Variants in MICAL3 observed in about 807,000 individuals in gnomAD.
MICAL3 encodes the protein [F-actin]-monooxygenase MICAL3.
In MICAL3, 62 loss-of-function variants were observed where a neutral mutation model predicts 207.4. The ratio of observed to expected loss-of-function variants is 0.30; its 90% CI spans 0.24 to 0.37. The LOEUF (loss-of-function observed/expected upper bound fraction) is 0.37. Among genes scored for constraint, MICAL3 ranks in the 10% least tolerant of loss-of-function variants. The pLI is 1.00. For missense variants in MICAL3, 2,368 were observed against 2,635.6 expected, an observed-to-expected ratio of 0.90 and a Z score of 2.22; for synonymous variants, 1,077 against 1,069.3, an observed-to-expected ratio of 1.01 and a Z score of -0.14.
At chr22:17,964,837 A>G (rs1426646567) in intron 1 of MICAL3, among the ~76,000 whole-genome samples, 1 of 152,252 alleles carries the variant, frequency 6.6e-6, no homozygotes, top group African/African-American at 2.4e-5. Flanking sequence ...CGAATTGCTC[A>G]GCTGGGACAC....
chr22:17,913,407 C>T (rs1451810255), intron 1 of MICAL3, among the ~76,000 whole-genome samples: 1 of 152,154 alleles, frequency 6.6e-6, no homozygotes, highest in East Asian at 1.9e-4. Flanking sequence ...GCCTGGCCTG[C>T]GTGGCTGCGG....
chr22:18,018,369 T>C (rs1053581570), intron 1 of MICAL3, among the ~76,000 whole-genome samples: 1 of 152,238 alleles, frequency 6.6e-6, no homozygotes, highest in African/African-American at 2.4e-5. Flanking sequence ...TAAAAGTTTC[T>C]TGACCATGAT....
intron 20 of MICAL3, among the ~76,000 whole-genome samples, chr22:17,835,083 C>A (rs549314731): frequency 1.1e-4 from 16 of 152,334 alleles, no homozygotes; most frequent in African/African-American, 3.8e-4. Flanking sequence ...GCTGCACAGG[C>A]ACAATGTGGG....
At chr22:17,976,249 C>T (rs996535653) in intron 1 of MICAL3, among the ~76,000 whole-genome samples, 3 of 152,124 alleles carry the variant, frequency 2.0e-5, no homozygotes, top group Non-Finnish European at 2.9e-5. Flanking sequence ...CCACATAACC[C>T]AAATTCATTT....
At chr22:17,873,177 G>A (rs114170616) in intron 16 of MICAL3, among the ~76,000 whole-genome samples, 2,604 of 152,350 alleles carry the variant, frequency 0.017, 20 homozygotes, top group African/African-American at 0.033. Flanking sequence ...GGGCGAACGC[G>A]CACAGAGACA....
At chr22:17,848,844 C>T (rs1353015700) in intron 19 of MICAL3, among the ~76,000 whole-genome samples, 1 of 152,256 alleles carries the variant, frequency 6.6e-6, no homozygotes, top group East Asian at 1.9e-4. Flanking sequence ...GGGCTTTTCT[C>T]CTCTGCTGCC....
At chr22:17,910,561 C>A (rs1056640748) in intron 1 of MICAL3, among the ~76,000 whole-genome samples, 1 of 152,168 alleles carries the variant, frequency 6.6e-6, no homozygotes, top group Non-Finnish European at 1.5e-5. Flanking sequence ...AATGGATGAA[C>A]AGAGGCAGGA....
At chr22:17,968,105 AGTAG>A (rs550271697) in intron 1 of MICAL3, among the ~76,000 whole-genome samples, 153 of 152,190 alleles carry the variant, frequency 1.0e-3, no homozygotes, top group Admixed American at 2.3e-3. Context: ...TGCTTGTAAA[AGTAG>A]GTAAATAGAT....
At position 17,808,828 on chromosome 22, in the gene MICAL3, G is replaced by A; in HGVS notation, c.5650+16C>T. The stretch of plus-strand genomic sequence containing the variant: ...CTTCCTCCAGGAGCAGAGCTTAGGA[G>A]GGAGCCCGGCAGTACCTGCTTCGCC... On this transcript the variant is annotated intron_variant, in intron 29 of 31. Transcript: ENST00000441493. 1.3e-6 allele frequency: 2 copies of A among 1,550,142 alleles called. No individual in the cohort carries two copies. The highest frequency in any genetic ancestry group is 1.7e-6 in the Non-Finnish European group (2 of 1,146,002).
At chr22:17,979,315 C>T (rs1051213346) in intron 1 of MICAL3, among the ~76,000 whole-genome samples, 2 of 152,088 alleles carry the variant, frequency 1.3e-5, no homozygotes, top group Admixed American at 6.5e-5. Context: ...GAGGCCGAGG[C>T]GAGCGGATCA....
intron 11 of MICAL3, among the ~76,000 whole-genome samples, chr22:17,893,011 T>C (rs767102894): frequency 8.5e-5 from 13 of 152,206 alleles, no homozygotes; most frequent in Admixed American, 4.6e-4. Flanking sequence ...ATGATCACAA[T>C]GTGAGGTAGA....
chr22:17,894,140 G>A (rs1294576295), intron 10 of MICAL3, among the ~76,000 whole-genome samples: 6 of 152,096 alleles, frequency 3.9e-5, no homozygotes, highest in Non-Finnish European at 8.8e-5. Context: ...GGCCGGGTGC[G>A]GTGGCTCACA....
At chr22:17,834,347 A>C in intron 20 of MICAL3, 1 of 1,219,982 alleles carries the variant, frequency 8.2e-7, no homozygotes, top group Admixed American at 3.2e-5. Context: ...TACCTGGATA[A>C]AATTTATTCA....
At chr22:17,825,282 A>T (rs997607729) in intron 22 of MICAL3, among the ~76,000 whole-genome samples, 5 of 152,228 alleles carry the variant, frequency 3.3e-5, no homozygotes, top group African/African-American at 1.2e-4. Flanking sequence ...ACAGGTGAGA[A>T]ATATCAACGC....
At chr22:17,981,813 T>C (rs1403990290) in intron 1 of MICAL3, among the ~76,000 whole-genome samples, 1 of 152,200 alleles carries the variant, frequency 6.6e-6, no homozygotes, top group South Asian at 2.1e-4. Flanking sequence ...ATGGCGGCAG[T>C]TAACAACCAA....
intron 28 of MICAL3, among the ~76,000 whole-genome samples, chr22:17,810,175 G>T (rs1174692760): frequency 6.7e-6 from 1 of 149,296 alleles, no homozygotes; most frequent in Non-Finnish European, 1.5e-5. Context: ...CCATTCTCCT[G>T]CCTCAGCCAC....
intron 1 of MICAL3, among the ~76,000 whole-genome samples, chr22:17,989,249 G>A (rs1921391587): frequency 6.6e-6 from 1 of 151,924 alleles, no homozygotes; most frequent in African/African-American, 2.4e-5. Context: ...GCCTTCCACC[G>A]CTAAGCCTGC....
intron 1 of MICAL3, among the ~76,000 whole-genome samples, chr22:17,963,873 G>A (rs527490397): frequency 6.6e-6 from 1 of 152,176 alleles, no homozygotes. Flanking sequence ...CCAGCTGAGG[G>A]TCAAATAGGC....
At chr22:17,914,562 C>A (rs1035944171) in intron 1 of MICAL3, among the ~76,000 whole-genome samples, 3 of 152,162 alleles carry the variant, frequency 2.0e-5, no homozygotes, top group Non-Finnish European at 2.9e-5. Context: ...TGCCTCCAGT[C>A]CCTAACCACC....
Sources: allele counts gnomAD v4.1 joint callset (sites outside exome capture counted in the v4.1 genomes callset), GRCh38; gene constraint gnomAD v4.1.1; transcripts MANE v1.5; gene names NCBI Gene and HGNC (gene_info 2026-07-23, HGNC 2026-07-21).